DTL: variants seen among roughly 807,000 people sequenced by gnomAD.
DTL encodes the protein denticleless E3 ubiquitin protein ligase adapter.
A neutral mutation model predicts 87.0 loss-of-function variants in DTL; 46 were observed. The ratio of observed to expected loss-of-function variants is 0.53; its 90% confidence interval spans 0.42 to 0.68. The LOEUF (loss-of-function observed/expected upper bound fraction) is 0.68. Ranked by LOEUF, DTL falls within the 30% of genes least tolerant of loss-of-function variation. The pLI is 0.00. For synonymous variants in DTL, 308 were observed against 311.2 expected (o/e 0.99, Z 0.11); for missense variants, 737 against 869.4 (o/e 0.85, Z 1.91).
chr1:212,081,825 C>T (rs118025142), intron 13 of DTL, among the ~76,000 whole-genome samples: 4,197 of 152,162 alleles, frequency 0.028, 148 homozygotes, highest in East Asian at 0.13. Context: ...GCAGGAAGAG[C>T]AAGTTTGGGA....
chr1:212,043,843 A>G (rs955665154), intron 2 of DTL, among the ~76,000 whole-genome samples: 1 of 151,944 alleles, frequency 6.6e-6, no homozygotes, highest in Non-Finnish European at 1.5e-5. Flanking sequence ...AAAAAAAAAA[A>G]AAAGAAATAG....
chr1:212,065,167 A>G (rs994836846), intron 7 of DTL, 138 bp downstream of exon 7: 11 of 584,842 alleles, frequency 1.9e-5, no homozygotes, highest in African/African-American at 7.4e-5. Context: ...CAGTACCTAC[A>G]TTTGTGGTTC....
chr1:212,043,026 T>C lies in DTL; in HGVS notation c.86T>C (p.Leu29Pro), dbSNP rs1194590504. Residue 29 changes from leucine (L) to proline (P), a missense_variant, in exon 2 of 15, where the codon CTG (leucine) becomes CCG (proline). Physicochemically the swap from Leu to Pro is moderately conservative, Grantham distance 98. Transcript: ENST00000366991. ...TCACAATACCCTCTTCAATCCCTTCTGACTGGTTATCAGTGCAGTGGTAAT... is the reference window on the plus strand; with the variant it reads ...TCACAATACCCTCTTCAATCCCTTCCGACTGGTTATCAGTGCAGTGGTAAT... The part of the protein sequence containing the change: ...WSSQYPLQSL[L>P]TGYQCSGNDE... 1 of 1,612,932 alleles carries C rather than the reference T, an allele frequency of 6.2e-7. No individual in the cohort carries two copies. Among genetic ancestry groups the C allele is most frequent in the Non-Finnish European group, 8.5e-7 (1 of 1,179,444 alleles).
At chr1:212,078,094 A>T (rs533137883) in intron 11 of DTL, 79 bp from the exon 12 acceptor site, 17 of 868,310 alleles carry the variant, frequency 2.0e-5, no homozygotes, top group Middle Eastern at 2.2e-4. Context: ...GCTCTCTAAG[A>T]CACACTTCTG....
chr1:212,087,685 G>A (rs1450969906), intron 13 of DTL, among the ~76,000 whole-genome samples: 3 of 152,130 alleles, frequency 2.0e-5, no homozygotes, highest in African/African-American at 4.8e-5. Flanking sequence ...AACCTGACAC[G>A]GGTTTTCAAA....
intron 3 of DTL, 41 bp downstream of exon 3, chr1:212,044,799 A>T (rs775390066): frequency 8.8e-7 from 1 of 1,131,648 alleles, no homozygotes; most frequent in East Asian, 2.3e-5. Flanking sequence ...CATTTAAAAA[A>T]CTTTACACAT....
intron 5 of DTL, among the ~76,000 whole-genome samples, chr1:212,056,229 CGTATGCTGCCTTGGGGCCAA>C (rs1317825073): frequency 6.6e-6 from 1 of 152,190 alleles, no homozygotes; most frequent in Non-Finnish European, 1.5e-5. Flanking sequence ...CCAGTGCCAG[CGTATGCTGCCTTGGGGCCAA>C]AGGACACACA....
At chr1:212,098,441 G>A (rs752454942) in intron 13 of DTL, among the ~76,000 whole-genome samples, 1 of 152,106 alleles carries the variant, frequency 6.6e-6, no homozygotes, top group South Asian at 2.1e-4. Context: ...TCCTGGATAG[G>A]TTTTCGGGCT....
intron 5 of DTL, among the ~76,000 whole-genome samples, chr1:212,058,735 T>C (rs1027193248): frequency 6.7e-6 from 1 of 148,982 alleles, no homozygotes; most frequent in African/African-American, 2.5e-5. Flanking sequence ...AGAAAAAGGG[T>C]CAACAAAACA....
intron 13 of DTL, among the ~76,000 whole-genome samples, chr1:212,085,797 T>G (rs1323909672): frequency 6.6e-6 from 1 of 152,246 alleles, no homozygotes; most frequent in African/African-American, 2.4e-5. Flanking sequence ...AGTTTATTTT[T>G]GTGTTATGGT....
intron 12 of DTL, 53 bp from the exon 13 acceptor site, chr1:212,080,562 A>G (rs1654960243): frequency 1.3e-5 from 21 of 1,568,224 alleles, no homozygotes; most frequent in Non-Finnish European, 1.7e-5. Flanking sequence ...TTTTTAATGT[A>G]TTTTGAATCT....
In DTL at chr1:212,051,644, C is replaced by G; in HGVS notation, c.460+4227C>G. Reference sequence around the variant, plus strand: ...GCTTTAGTTGAACCCAGGTACCTTTCTCTTTGGCTTCTTTCTTTTTCTGAT... The same window carrying G: ...GCTTTAGTTGAACCCAGGTACCTTTGTCTTTGGCTTCTTTCTTTTTCTGAT... On this transcript the variant is annotated intron_variant, in intron 5 of 14. Transcript: ENST00000366991. 4 of 813,310 alleles carry G rather than the reference C, an allele frequency of 4.9e-6. No homozygotes were observed. In the South Asian group the frequency reaches 5.6e-5, roughly 11 times the overall value. The allele number at this position is 813,310 out of a possible 1,614,324, so 50.4% of individuals were successfully genotyped here.
At chr1:212,078,570 C>G (rs1400640412) in intron 12 of DTL, among the ~76,000 whole-genome samples, 1 of 151,970 alleles carries the variant, frequency 6.6e-6, no homozygotes, top group Non-Finnish European at 1.5e-5. Flanking sequence ...GATAAAAATA[C>G]AATCTAAGGT....
chr1:212,041,659 C>T (rs1319868357), intron 1 of DTL, among the ~76,000 whole-genome samples: 1 of 151,928 alleles, frequency 6.6e-6, no homozygotes, highest in African/African-American at 2.4e-5. Context: ...CGCCTGCCAC[C>T]ACGCCTGGCT....
chr1:212,063,033 A>ATTACCACCAGGGGGCATGTACTCATAATT, intron 6 of DTL, 84 bp downstream of exon 6: 1 of 1,042,100 alleles, frequency 9.6e-7, no homozygotes, highest in East Asian at 2.4e-5. Flanking sequence ...ATTTCATCTG[A>ATTACCACCAGGGGGCATGTACTCATAATT]TTACCACCAG....
chr1:212,069,656 C>T, intron 10 of DTL, among the ~76,000 whole-genome samples: 1 of 152,066 alleles, frequency 6.6e-6, no homozygotes, highest in East Asian at 1.9e-4. Flanking sequence ...AGCAATTCTC[C>T]TGCCTCAGCC....
chr1:212,093,268 G>T (rs1306473032), intron 13 of DTL, among the ~76,000 whole-genome samples: 1 of 152,190 alleles, frequency 6.6e-6, no homozygotes, highest in Non-Finnish European at 1.5e-5. Context: ...GGGGGTGAAT[G>T]TTTATAGCTC....
intron 5 of DTL, among the ~76,000 whole-genome samples, chr1:212,055,710 G>T (rs1668153013): frequency 6.6e-6 from 1 of 152,168 alleles, no homozygotes; most frequent in African/African-American, 2.4e-5. Flanking sequence ...AGCTGCTGCT[G>T]CCCCTTACCT....
In DTL at chr1:212,047,622, G is replaced by A. The variant is rs541243125; in HGVS notation, c.460+205G>A. Among the ~76,000 whole-genome samples the A allele has an allele frequency of 3.4e-4, 52 of 152,212 alleles. 1 individual carries two copies. In the South Asian group the frequency reaches 0.011, roughly 32 times the overall value. Reference sequence around the variant, plus strand: ...ATCTCGGCTCACTGCTACCTCCGCTGCCTCCCAGGTTCAAGTGATTCTCCT... The same window carrying A: ...ATCTCGGCTCACTGCTACCTCCGCTACCTCCCAGGTTCAAGTGATTCTCCT... On this transcript the variant is annotated intron_variant, in intron 5 of 14. Transcript: ENST00000366991.
Sources: allele counts gnomAD v4.1 joint callset (sites outside exome capture counted in the v4.1 genomes callset), GRCh38; gene constraint gnomAD v4.1.1; transcripts MANE v1.5; gene names NCBI Gene and HGNC (gene_info 2026-07-23, HGNC 2026-07-21).